Variants in SH3PXD2A observed in about 807,000 individuals in gnomAD.
SH3PXD2A encodes the protein SH3 and PX domains 2A, also known as SH3 and PX domain-containing protein 2A.
SH3PXD2A carries 32 observed loss-of-function variants against 115.2 expected under a neutral mutation model. The ratio of observed to expected loss-of-function variants is 0.28; its 90% CI spans 0.21 to 0.37. The LOEUF is 0.37. Ranked by LOEUF, SH3PXD2A falls within the 10% of genes least tolerant of loss-of-function variation. SH3PXD2A has a pLI of 1.00. For synonymous variants in SH3PXD2A, 610 were observed against 629.1 expected (o/e 0.97, Z 0.45); for missense variants, 1,328 against 1,498.7 (o/e 0.89, Z 1.88).
chr10:103,752,172 A>G (rs1475738539), intron 3 of SH3PXD2A, among the ~76,000 whole-genome samples: 1 of 152,150 alleles, frequency 6.6e-6, no homozygotes, highest in Admixed American at 6.5e-5. Flanking sequence ...CTGCCTTCCA[A>G]AGGAAATGGA....
At position 103,660,986 on chromosome 10, in the gene SH3PXD2A, T is replaced by A. The variant is rs2037289665; in HGVS notation, c.601A>T (p.Ser201Cys). The A allele has an allele frequency of 6.2e-7, 1 of 1,613,766 alleles. No individual in the cohort carries two copies. The highest frequency in any genetic ancestry group is 1.7e-5 in the Admixed American group (1 of 60,002). Residue 201 changes from serine to cysteine, a missense_variant, in exon 8 of 15, where the codon AGC becomes TGC. Around this residue, in one of 5 missense-constraint regions of SH3PXD2A, gnomAD observed 509 missense variants for 628.3 expected, o/e 0.81. Transcript: ENST00000369774. ...EVVDVIEKNE[S>C]GWWFVSTSEE... ...GGCCATTGGCCAGGGCACTCACCGC[T>A]CTCGTTCTTCTCGATGACATCCACC...
chr10:103,637,560 C>T (rs1459079906), intron 8 of SH3PXD2A, among the ~76,000 whole-genome samples: 1 of 152,148 alleles, frequency 6.6e-6, no homozygotes, highest in Non-Finnish European at 1.5e-5. Flanking sequence ...AGCCCACTTC[C>T]AGAACCCTCA....
chr10:103,674,857 T>C (rs1592294938), intron 6 of SH3PXD2A, among the ~76,000 whole-genome samples: 2 of 148,892 alleles, frequency 1.3e-5, no homozygotes, highest in Non-Finnish European at 3.0e-5. Flanking sequence ...CAAAACAAAA[T>C]AAAACAAAAC....
rs530928674 is a variant in SH3PXD2A, at chr10:103,600,797, C to T, written c.*1019G>A. 6.6e-6 allele frequency: 1 copy of T among 152,180 alleles called. No homozygotes were observed. The highest frequency in any genetic ancestry group is 1.5e-5 in the Non-Finnish European group (1 of 68,042). The allele number at this position is 152,180 out of a possible 1,614,324, so 9.4% of individuals were successfully genotyped here. A position where few individuals can be genotyped will look rare whatever the true frequency, so the allele number is the denominator to read the frequency against. On this transcript the variant is annotated 3_prime_UTR_variant, in exon 15 of 15. Coordinates refer to ENST00000369774, the MANE Select transcript of SH3PXD2A (RefSeq NM_001394015.1). ...TCCACACAGTGGAAACCAAATGAAA[C>T]GACTTTGGCTTGTGGAGGGGGAAGA...
intron 5 of SH3PXD2A, among the ~76,000 whole-genome samples, chr10:103,704,175 C>T (rs2037954055): frequency 6.6e-6 from 1 of 152,164 alleles, no homozygotes. Flanking sequence ...AGAGCTGTGA[C>T]TTGCAGGGGA....
intron 2 of SH3PXD2A, among the ~76,000 whole-genome samples, chr10:103,773,340 A>T (rs2038848354): frequency 6.6e-6 from 1 of 152,128 alleles, no homozygotes; most frequent in Non-Finnish European, 1.5e-5. Flanking sequence ...GCTGAGGACT[A>T]AGCAGTCCCC....
intron 2 of SH3PXD2A, among the ~76,000 whole-genome samples, chr10:103,799,615 T>C (rs2077314441): frequency 6.6e-6 from 1 of 152,064 alleles, no homozygotes; most frequent in African/African-American, 2.4e-5. Context: ...CAGGAGTGGG[T>C]GGGGGACCAT....
At chr10:103,812,934 C>A (rs1242949443) in intron 1 of SH3PXD2A, among the ~76,000 whole-genome samples, 2 of 152,032 alleles carry the variant, frequency 1.3e-5, no homozygotes, top group Non-Finnish European at 2.9e-5. Flanking sequence ...TTTATCCACA[C>A]AATTGTGTGT....
chr10:103,620,355 G>A lies in SH3PXD2A; in HGVS notation c.802+2115C>T, dbSNP rs2036584695. Reference sequence around the variant, plus strand: ...GGGATAGGCCTGCTTTGGTTTTGGAGGCAGGGGCTGGATGTCCTGTAGTTT... The same window carrying A: ...GGGATAGGCCTGCTTTGGTTTTGGAAGCAGGGGCTGGATGTCCTGTAGTTT... On this transcript the variant is annotated intron_variant, in intron 10 of 14. Transcript: ENST00000369774. The surrounding 1 kb of genome is among the most constrained non-coding windows in gnomAD (Gnocchi z 5.3). 6.6e-6 allele frequency among the ~76,000 whole-genome samples: 1 copy of A among 152,140 alleles called. No individual in the cohort carries two copies. Among genetic ancestry groups the A allele is most frequent in the Non-Finnish European group, 1.5e-5 (1 of 68,008 alleles).
intron 8 of SH3PXD2A, among the ~76,000 whole-genome samples, chr10:103,646,592 C>G (rs773136601): frequency 1.3e-4 from 20 of 152,180 alleles, no homozygotes; most frequent in Non-Finnish European, 2.8e-4. Context: ...ACCACCTTGT[C>G]CCACAACCAA....
intron 2 of SH3PXD2A, among the ~76,000 whole-genome samples, chr10:103,778,663 G>T (rs1375838149): frequency 1.3e-5 from 2 of 152,224 alleles, no homozygotes; most frequent in South Asian, 4.1e-4. Flanking sequence ...GATGAATGGG[G>T]TCGCCAGTTT....
At chr10:103,764,793 A>G (rs1449694592) in intron 3 of SH3PXD2A, among the ~76,000 whole-genome samples, 1 of 152,140 alleles carries the variant, frequency 6.6e-6, no homozygotes, top group Non-Finnish European at 1.5e-5. Context: ...GGAGTCAGGA[A>G]TGACAGCTCT....
chr10:103,796,744 G>A (rs2039093381), intron 2 of SH3PXD2A, among the ~76,000 whole-genome samples: 1 of 152,138 alleles, frequency 6.6e-6, no homozygotes, highest in South Asian at 2.1e-4. Context: ...CAGCCAGGCT[G>A]GGGCTCCCAG....
chr10:103,647,318 T>G (rs2037050757), intron 8 of SH3PXD2A, among the ~76,000 whole-genome samples: 1 of 152,194 alleles, frequency 6.6e-6, no homozygotes. Flanking sequence ...AACCTGGCTA[T>G]GATTCCACCC....
intron 6 of SH3PXD2A, chr10:103,677,936 C>T (rs927473620): frequency 2.9e-5 from 12 of 419,516 alleles, no homozygotes; most frequent in African/African-American, 8.2e-5. Context: ...GCTTGGCCTC[C>T]GGAACCACAT....
At chr10:103,747,737 G>A (rs57925399) in intron 3 of SH3PXD2A, among the ~76,000 whole-genome samples, 2,005 of 152,294 alleles carry the variant, frequency 0.013, 53 homozygotes, top group African/African-American at 0.046. Context: ...GCCTGGCCAG[G>A]CCAGCCACAG....
intron 1 of SH3PXD2A, among the ~76,000 whole-genome samples, chr10:103,850,122 C>T (rs1842883435): frequency 6.6e-6 from 1 of 152,216 alleles, no homozygotes; most frequent in Admixed American, 6.5e-5. Flanking sequence ...GGTCAGTTAA[C>T]TCATGCTGGC....
chr10:103,658,568 T>C (rs1314633096), intron 8 of SH3PXD2A, among the ~76,000 whole-genome samples: 2 of 152,160 alleles, frequency 1.3e-5, no homozygotes, highest in Non-Finnish European at 2.9e-5. Context: ...CTCCACCCAC[T>C]TCATTTCTCT....
At chr10:103,648,800 C>T (rs926325966) in intron 8 of SH3PXD2A, among the ~76,000 whole-genome samples, 1 of 152,248 alleles carries the variant, frequency 6.6e-6, no homozygotes, top group Admixed American at 6.5e-5. Flanking sequence ...CCACCTCCCA[C>T]CCTTTTGTCA....
Sources: gnomAD v4.1 joint callset for allele counts (sites outside exome capture counted in the v4.1 genomes callset) on GRCh38, gnomAD v4.1.1 for gene constraint, gnomAD v4.1.1 regional missense constraint, Gnocchi (gnomAD v3.1) non-coding constraint, MANE v1.5 for transcripts, NCBI Gene and HGNC (gene_info 2026-07-23, HGNC 2026-07-21) for gene names.